The following GPR55 variants were observed in gnomAD, a reference collection of about 807,000 sequenced individuals.
GPR55 encodes the protein G protein-coupled receptor 55.
Under a neutral mutation model 7.9 loss-of-function variants are expected in GPR55, and 6 were observed. That is an observed-to-expected ratio of 0.76 (90% CI 0.41 to 1.49). The LOEUF (loss-of-function observed/expected upper bound fraction) is 1.49. Ranked by LOEUF, GPR55 falls within the 40% of genes most tolerant of loss-of-function variation. GPR55 has a pLI of 0.01. For synonymous variants in GPR55, 183 were observed against 166.8 expected (o/e 1.10, Z -0.75); for missense variants, 376 against 406.0 (o/e 0.93, Z 0.63).
intron 1 of GPR55, among the ~76,000 whole-genome samples, chr2:230,939,831 G>A (rs557735341): frequency 6.6e-6 from 1 of 152,212 alleles, no homozygotes; most frequent in Admixed American, 6.5e-5. Flanking sequence ...TGTTTCGGGA[G>A]GAAGCCAGTG....
At chr2:230,934,098 G>A (rs902060200) in intron 1 of GPR55, among the ~76,000 whole-genome samples, 1 of 152,140 alleles carries the variant, frequency 6.6e-6, no homozygotes, top group Non-Finnish European at 1.5e-5. Flanking sequence ...AGTGCTAATA[G>A]ACTGGACTGT....
At position 230,910,231 on chromosome 2, in the gene GPR55, C is replaced by G; in HGVS notation, c.732G>C (p.Leu244=). ...VFVVSFLPVH[L]GFFLQFLVRN... The stretch of plus-strand genomic sequence containing the variant: ...TCACCAGGAACTGCAGGAAGAACCC[C>G]AGGTGGACTGGGAGGAAGGAGACCA... The change falls in exon 2 of 2, where the codon CTG becomes CTC. Residue 244 remains leucine (L), a synonymous_variant. Transcript: ENST00000650999. The surrounding 1 kb of genome is among the most constrained non-coding windows in gnomAD (Gnocchi z 5.4). 2 of 1,614,138 alleles carry G rather than the reference C, an allele frequency of 1.2e-6. No individual in the cohort carries two copies. The highest frequency in any genetic ancestry group is 8.5e-7 in the Non-Finnish European group (1 of 1,180,006).
At position 230,939,712 on chromosome 2, in the gene GPR55, G is replaced by A. The variant is rs112179973; in HGVS notation, c.-135+21063C>T. 3.1e-3 allele frequency among the ~76,000 whole-genome samples: 477 copies of A among 152,308 alleles called. 3 individuals carry two copies. The highest frequency in any genetic ancestry group is 0.011 in the African/African-American group (450 of 41,556). ...GGGGGAGAGCCTGGCGTGCAGGCCA[G>A]TGCTTGCTCTAAAGGGAACAAGGAG... On this transcript the variant is annotated intron_variant, in intron 1 of 1. Coordinates refer to the GPR55 transcript ENST00000392039.
chr2:230,909,862 C>A lies in GPR55; in HGVS notation c.*141G>T. The A allele has an allele frequency of 1.2e-6, 1 of 857,762 alleles. No homozygotes were observed. The highest frequency in any genetic ancestry group is 1.8e-6 in the Non-Finnish European group (1 of 541,390). 53.1% of individuals were successfully genotyped at this position (857,762 alleles called of 1,614,324 possible). ...GGTCTTTGGGGTATAATGAGCAAAG[C>A]TGGCACTCAATGGGCATCAAAGGGA... On this transcript the variant is annotated 3_prime_UTR_variant, in exon 2 of 2. Transcript: ENST00000650999.
At chr2:230,953,387 G>T (rs775465387) in intron 1 of GPR55, among the ~76,000 whole-genome samples, 1 of 152,188 alleles carries the variant, frequency 6.6e-6, no homozygotes, top group Non-Finnish European at 1.5e-5. Context: ...AGAGACAGAG[G>T]GATAGGATGT....
intron 1 of GPR55, among the ~76,000 whole-genome samples, chr2:230,937,324 G>T (rs899968210): frequency 6.6e-6 from 1 of 151,604 alleles, no homozygotes; most frequent in Non-Finnish European, 1.5e-5. Context: ...AGGATCACTT[G>T]AGTCCAGGAG....
At chr2:230,952,562 G>A (rs572842178) in intron 1 of GPR55, among the ~76,000 whole-genome samples, 33 of 152,316 alleles carry the variant, frequency 2.2e-4, no homozygotes, top group East Asian at 5.8e-4. Context: ...CCATGGTGCC[G>A]CTTGTCAGTT....
intron 1 of GPR55, among the ~76,000 whole-genome samples, chr2:230,955,641 C>T (rs1188014926): frequency 6.6e-6 from 1 of 152,240 alleles, no homozygotes; most frequent in African/African-American, 2.4e-5. Flanking sequence ...AGAAGGATTA[C>T]ACTTAAATGG....
Position 230,910,392 on chromosome 2 carries a change from G to A in GPR55, c.571C>T (p.Leu191Phe), listed in dbSNP as rs1417963545. ...VFFPLEVFGF[L>F]LPMGIMGFCC... Reference sequence around the variant, plus strand: ...AAGCCCATGATGCCCATGGGAAGGAGGAAGCCAAACACCTCCAGCGGGAAG... The same window carrying A: ...AAGCCCATGATGCCCATGGGAAGGAAGAAGCCAAACACCTCCAGCGGGAAG... Residue 191 changes from leucine to phenylalanine, a missense_variant, in exon 2 of 2, where the codon CTC becomes TTC. Transcript: ENST00000650999. This position sits in a 1 kb window ranked among gnomAD's most constrained non-coding sequence, Gnocchi z 5.4. 2 of 1,613,974 alleles carry A rather than the reference G, an allele frequency of 1.2e-6. No homozygotes were observed. The highest frequency in any genetic ancestry group is 1.7e-6 in the Non-Finnish European group (2 of 1,179,986).
chr2:230,960,297 C>T (rs990021063), intron 1 of GPR55, among the ~76,000 whole-genome samples: 2 of 152,118 alleles, frequency 1.3e-5, no homozygotes, highest in African/African-American at 4.8e-5. Flanking sequence ...AAGAAATGTG[C>T]AGTACCAGTA....
intron 1 of GPR55, among the ~76,000 whole-genome samples, chr2:230,958,504 G>T (rs762158523): frequency 3.3e-5 from 5 of 151,854 alleles, no homozygotes; most frequent in African/African-American, 9.7e-5. Context: ...TCTATTTGTT[G>T]TACCCATTAA....
chr2:230,949,824 C>G (rs1691372163), intron 1 of GPR55, among the ~76,000 whole-genome samples: 1 of 147,624 alleles, frequency 6.8e-6, no homozygotes, highest in Admixed American at 6.7e-5. Context: ...TAATGCTTCT[C>G]TTCTCACTAA....
In GPR55 at chr2:230,924,128, C is replaced by T. The variant is rs141200399; in HGVS notation, c.-135+1040G>A. ...CAACCCCAGGACCAGGACCATGTCC[C>T]TTTCACCTTTATCACCGAGCCTCAC... On this transcript the variant is annotated intron_variant, in intron 1 of 1. Transcript: ENST00000650999. This position sits in a 1 kb window ranked among gnomAD's most constrained non-coding sequence, Gnocchi z 4.5. 2.0e-4 allele frequency among the ~76,000 whole-genome samples: 30 copies of T among 152,250 alleles called. No homozygotes were observed. Among genetic ancestry groups the T allele is most frequent in the South Asian group, 1.9e-3 (9 of 4,814 alleles).
rs776210816 is a variant in GPR55 at position 230,910,122 on chromosome 2, A to T, written c.841T>A (p.Cys281Ser). 1 of 1,614,222 alleles carries T rather than the reference A, an allele frequency of 6.2e-7. No individual in the cohort carries two copies. Among genetic ancestry groups the T allele is most frequent in the East Asian group, 2.2e-5 (1 of 44,882 alleles). Residue 281 changes from cysteine (C) to serine (S), a missense_variant, in exon 2 of 2, where the codon TGC (cysteine) becomes AGC (serine). Cys to Ser is a moderately radical substitution (Grantham distance 112, BLOSUM62 -1). Coordinates refer to ENST00000650999, the MANE Select transcript of GPR55 (RefSeq NM_005683.4). The surrounding 1 kb of genome is among the most constrained non-coding windows in gnomAD (Gnocchi z 5.4). ...QLSMCFSNVN[C>S]CLDVFCYYFV... ...TAGTAGCAGAAAACATCCAGGCAGC[A>T]GTTGACGTTGGAGAAACACATGGAC...
Position 230,924,196 on chromosome 2 carries a change from G to T in GPR55, c.-135+972C>A, listed in dbSNP as rs1049090389. Among the ~76,000 whole-genome samples, 1 of 152,174 alleles carries T rather than the reference G, an allele frequency of 6.6e-6. No individual in the cohort carries two copies. Among genetic ancestry groups the T allele is most frequent in the Non-Finnish European group, 1.5e-5 (1 of 68,018 alleles). ...GAAGGTCTTATTGCATGAAAGAGGGGGTGAAGAAATGACGGAACAAATGGC... is the reference window on the plus strand; with the variant it reads ...GAAGGTCTTATTGCATGAAAGAGGGTGTGAAGAAATGACGGAACAAATGGC... On this transcript the variant is annotated intron_variant, in intron 1 of 1. Coordinates refer to ENST00000650999, the MANE Select transcript of GPR55 (RefSeq NM_005683.4). This position sits in a 1 kb window ranked among gnomAD's most constrained non-coding sequence, Gnocchi z 4.5.
rs1574624876 is a variant in GPR55 at position 230,924,145 on chromosome 2, G to A, written c.-135+1023C>T. 6.6e-6 allele frequency among the ~76,000 whole-genome samples: 1 copy of A among 152,090 alleles called. No individual in the cohort carries two copies. On this transcript the variant is annotated intron_variant, in intron 1 of 1. Transcript: ENST00000650999. The surrounding 1 kb of genome is among the most constrained non-coding windows in gnomAD (Gnocchi z 4.5). ...CCATGTCCCTTTCACCTTTATCACC[G>A]AGCCTCACATACAGTTTGTCGTTGG...
In GPR55 at chr2:230,909,760, G is replaced by A. The variant is rs902231622; in HGVS notation, c.*243C>T. ...CTATAGTTTTTGGACTTAGAAATCA[G>A]TAATTCACCTGGTCTGTGGGTTCTT... On this transcript the variant is annotated 3_prime_UTR_variant, in exon 2 of 2. Transcript: ENST00000650999. 14 of 485,680 alleles carry A rather than the reference G, an allele frequency of 2.9e-5. No homozygotes were observed. The highest frequency in any genetic ancestry group is 1.4e-4 in the Admixed American group (4 of 29,484). The allele number at this position is 485,680 out of a possible 1,614,324, so 30.1% of individuals were successfully genotyped here.
chr2:230,926,538 C>T (rs1359774242), upstream of GPR55, among the ~76,000 whole-genome samples: 3 of 152,280 alleles, frequency 2.0e-5, no homozygotes, highest in South Asian at 2.1e-4. Context: ...GGAAACACAC[C>T]GGTGTCTGGC....
chr2:230,955,870 G>T (rs890396971), intron 1 of GPR55, among the ~76,000 whole-genome samples: 8 of 152,006 alleles, frequency 5.3e-5, no homozygotes, highest in Admixed American at 1.3e-4. Context: ...GGGACTACAG[G>T]CGTGTGCCAC....
Sources: allele counts gnomAD v4.1 joint callset (sites outside exome capture counted in the v4.1 genomes callset), GRCh38; gene constraint gnomAD v4.1.1; non-coding constraint Gnocchi (gnomAD v3.1); transcripts MANE v1.5; gene names NCBI Gene and HGNC (gene_info 2026-07-23, HGNC 2026-07-21).